The following PNMA8B variants were observed in gnomAD, a reference collection of about 807,000 sequenced individuals.
PNMA8B encodes paraneoplastic antigen-like protein 8B.
For missense variants in PNMA8B, 887 were observed against 885.8 expected (o/e 1.00, Z -0.02); for synonymous variants, 386 against 394.9 (o/e 0.98, Z 0.27).
rs1175685314 is a variant in PNMA8B at position 46,492,253 on chromosome 19, C to T, written c.*1305G>A. The T allele has an allele frequency of 2.8e-5, 10 of 356,434 alleles. No individual in the cohort carries two copies. In the East Asian group the frequency reaches 6.6e-4, roughly 24 times the overall value. 22.1% of individuals were successfully genotyped at this position (356,434 alleles called of 1,614,324 possible). A position where few individuals can be genotyped will look rare whatever the true frequency, so the allele number is the denominator to read the frequency against. On this transcript the variant is annotated 3_prime_UTR_variant, in exon 1 of 1. Transcript: ENST00000599531. Reference sequence around the variant, plus strand: ...GGACGAGGAAGCACACACATTGCCCCAGGGACAAGAAGGCATGAATGAAGG... The same window carrying T: ...GGACGAGGAAGCACACACATTGCCCTAGGGACAAGAAGGCATGAATGAAGG...
At position 46,493,767 on chromosome 19, in the gene PNMA8B, G is replaced by C; in HGVS notation, c.1699C>G (p.Arg567Gly). 1 of 1,390,114 alleles carries C rather than the reference G, an allele frequency of 7.2e-7. No homozygotes were observed. The highest frequency in any genetic ancestry group is 9.3e-7 in the Non-Finnish European group (1 of 1,079,454). 86.1% of individuals were successfully genotyped at this position (1,390,114 alleles called of 1,614,324 possible). The change falls in exon 1 of 1, where the codon CGA (arginine) becomes GGA (glycine). Residue 567 changes from arginine to glycine, a missense_variant. Arg to Gly is a moderately radical substitution (Grantham distance 125). Transcript: ENST00000599531. This position sits in a 1 kb window ranked among gnomAD's most constrained non-coding sequence, Gnocchi z 5.3. ...ARKTRAGGRG[R>G]GRGVTPEKKA... Reference sequence around the variant, plus strand: ...TTCTCGGGAGTGACGCCCCGGCCTCGGCCTCGGCCGCCCGCGCGGGTTTTG... The same window carrying C: ...TTCTCGGGAGTGACGCCCCGGCCTCCGCCTCGGCCGCCCGCGCGGGTTTTG...
In PNMA8B at chr19:46,493,752, T is replaced by G. The variant is rs1393187928; in HGVS notation, c.1714A>C (p.Thr572Pro). 1.0e-5 allele frequency: 15 copies of G among 1,449,080 alleles called. No homozygotes were observed. In the Admixed American group the frequency reaches 3.8e-4, roughly 36 times the overall value. The allele number at this position is 1,449,080 out of a possible 1,614,324, so 89.8% of individuals were successfully genotyped here. The part of the protein sequence containing the change: ...AGGRGRGRGV[T>P]PEKKAGSRGS... ...CGGCTCCCGGCTTTCTTCTCGGGAG[T>G]GACGCCCCGGCCTCGGCCTCGGCCG... Residue 572 changes from threonine (T) to proline (P), a missense_variant, in exon 1 of 1, where the codon ACT (threonine) becomes CCT (proline). Physicochemically the swap from Thr to Pro is conservative, Grantham distance 38. Coordinates refer to ENST00000599531, the MANE Select transcript of PNMA8B (RefSeq NM_020709.3). The surrounding 1 kb of genome is among the most constrained non-coding windows in gnomAD (Gnocchi z 5.3).
chr19:46,494,336 G>C lies in PNMA8B; in HGVS notation c.1130C>G (p.Ser377Cys), dbSNP rs777108435. 4.3e-6 allele frequency: 7 copies of C among 1,613,078 alleles called. No homozygotes were observed. In the African/African-American group the frequency reaches 9.3e-5, roughly 22 times the overall value. Residue 377 changes from serine to cysteine, a missense_variant, in exon 1 of 1, where the codon TCC becomes TGC. Ser to Cys is a moderately radical substitution (Grantham distance 112). Coordinates refer to ENST00000599531, the MANE Select transcript of PNMA8B (RefSeq NM_020709.3). ...DKRDPLRQVL[S>C]VMSKDTNGTR... ...CCCGTTAGTGTCCTTGGACATGACG[G>C]ACAAGACCTGTCGGAGGGGGTCTCG...
chr19:46,493,612 G>A lies in PNMA8B; in HGVS notation c.1854C>T (p.Ala618=), dbSNP rs774677888. 10 of 1,493,216 alleles carry A rather than the reference G, an allele frequency of 6.7e-6. No individual in the cohort carries two copies. The highest frequency in any genetic ancestry group is 4.7e-5 in the Admixed American group (2 of 42,746). The allele number at this position is 1,493,216 out of a possible 1,614,324, so 92.5% of individuals were successfully genotyped here. A position where few individuals can be genotyped will look rare whatever the true frequency, so the allele number is the denominator to read the frequency against. ...AKGQAPTGSK[A]ARGKKARRGR... is the part of the protein sequence containing the mutation. ...CCCGACGGGCCTTCTTCCCGCGCGC[G>A]GCCTTGGATCCAGTGGGCGCCTGGC... The change falls in exon 1 of 1, where the codon GCC becomes GCT. Residue 618 remains alanine (A), a synonymous_variant. Coordinates refer to ENST00000599531, the MANE Select transcript of PNMA8B (RefSeq NM_020709.3). The surrounding 1 kb of genome is among the most constrained non-coding windows in gnomAD (Gnocchi z 5.3).
rs1180232062 is a variant in PNMA8B, at chr19:46,494,867, T to G, written c.599A>C (p.Glu200Ala). 6.2e-7 allele frequency: 1 copy of G among 1,613,064 alleles called. No homozygotes were observed. The highest frequency in any genetic ancestry group is 8.5e-7 in the Non-Finnish European group (1 of 1,179,894). The change falls in exon 1 of 1, where the codon GAG becomes GCG. Residue 200 changes from glutamate (E) to alanine (A), a missense_variant. Coordinates refer to ENST00000599531, the MANE Select transcript of PNMA8B (RefSeq NM_020709.3). ...ARSEAEDSSD[E>A]SLGIVIEEID... Reference sequence around the variant, plus strand: ...CTCCTCGATCACGATGCCCAGGCTCTCGTCGGAAGAGTCCTCGGCCTCACT... The same window carrying G: ...CTCCTCGATCACGATGCCCAGGCTCGCGTCGGAAGAGTCCTCGGCCTCACT...
Position 46,494,055 on chromosome 19 carries a change from C to T in PNMA8B, c.1411G>A (p.Ala471Thr). 1 of 1,613,454 alleles carries T rather than the reference C, an allele frequency of 6.2e-7. No individual in the cohort carries two copies. Among genetic ancestry groups the T allele is most frequent in the Non-Finnish European group, 8.5e-7 (1 of 1,179,830 alleles). The change falls in exon 1 of 1, where the codon GCC becomes ACC. Residue 471 changes from alanine to threonine, a missense_variant. Physicochemically the swap from Ala to Thr is moderately conservative, Grantham distance 58. Coordinates refer to ENST00000599531, the MANE Select transcript of PNMA8B (RefSeq NM_020709.3). The stretch of plus-strand genomic sequence containing the variant: ...TATTTGTACTTCCCGCCTTCCCAGG[C>T]GTTTTCTTTTTCCTCCTTCATCACC... ...AEVMKEEKEN[A>T]WEGGKYKYPK... is the part of the protein sequence containing the mutation.
At position 46,492,144 on chromosome 19, in the gene PNMA8B, C is replaced by T. The variant is rs969884148; in HGVS notation, c.*1414G>A. On this transcript the variant is annotated 3_prime_UTR_variant, in exon 1 of 1. Transcript: ENST00000599531. ...CTGGTCTGGACTGTGAGGTCACACC[C>T]AAACCCTCCTATTCCTTCCCAGGGA... The T allele has an allele frequency of 2.2e-6, 1 of 444,962 alleles. No homozygotes were observed. The highest frequency in any genetic ancestry group is 2.0e-5 in the African/African-American group (1 of 49,848). 27.6% of individuals were successfully genotyped at this position (444,962 alleles called of 1,614,324 possible). A position where few individuals can be genotyped will look rare whatever the true frequency, so the allele number is the denominator to read the frequency against.
chr19:46,492,237 A>G lies in PNMA8B; in HGVS notation c.*1321T>C, dbSNP rs1250443682. On this transcript the variant is annotated 3_prime_UTR_variant, in exon 1 of 1. Transcript: ENST00000599531. The stretch of plus-strand genomic sequence containing the variant: ...CAGGGAATGGAAATTGGGACGAGGA[A>G]GCACACACATTGCCCCAGGGACAAG... 2 of 376,976 alleles carry G rather than the reference A, an allele frequency of 5.3e-6. No homozygotes were observed. The highest frequency in any genetic ancestry group is 1.1e-5 in the Non-Finnish European group (2 of 182,238). The allele number at this position is 376,976 out of a possible 1,614,324, so 23.4% of individuals were successfully genotyped here.
rs751364758 is a variant in PNMA8B at position 46,493,664 on chromosome 19, G to A, written c.1802C>T (p.Ala601Val). The change falls in exon 1 of 1, where the codon GCC (alanine) becomes GTC (valine). Residue 601 changes from alanine to valine, a missense_variant. Ala to Val is a moderately conservative substitution (Grantham distance 64, BLOSUM62 0). Transcript: ENST00000599531. The surrounding 1 kb of genome is among the most constrained non-coding windows in gnomAD (Gnocchi z 5.3). Reference sequence around the variant, plus strand: ...CTTGGCCTCGCCTGCCCTGGCATGGGCCCCGGCGCCCGCGCTCCCCTTCTT... The same window carrying A: ...CTTGGCCTCGCCTGCCCTGGCATGGACCCCGGCGCCCGCGCTCCCCTTCTT... Reference protein sequence around the residue: ...RKKKGSAGAGAHARAGEAKGQ... With the variant: ...RKKKGSAGAGVHARAGEAKGQ... 2.0e-6 allele frequency: 3 copies of A among 1,532,262 alleles called. No homozygotes were observed. The highest frequency in any genetic ancestry group is 3.8e-5 in the Admixed American group (2 of 52,300). 94.9% of individuals were successfully genotyped at this position (1,532,262 alleles called of 1,614,324 possible).
Position 46,494,824 on chromosome 19 carries a change from C to T in PNMA8B, c.642G>A (p.Leu214=). 2.5e-6 allele frequency: 4 copies of T among 1,613,584 alleles called. No individual in the cohort carries two copies. The highest frequency in any genetic ancestry group is 3.4e-6 in the Non-Finnish European group (4 of 1,179,874). ...GCGCGCTCTGGTCCTCTTCTCCGCT[C>T]AGGTCGCCCTGGTCGATCTCCTCGA... ...IVIEEIDQGD[L]SGEEDQSALY... The change falls in exon 1 of 1, where the codon CTG becomes CTA. Residue 214 remains leucine (L), a synonymous_variant. Coordinates refer to ENST00000599531, the MANE Select transcript of PNMA8B (RefSeq NM_020709.3).
rs1396734640 is a variant in PNMA8B, at chr19:46,495,247, G to C, written c.219C>G (p.Val73=). The part of the protein sequence containing the change: ...QAALVEFVED[V]NHAAIPREIP... The stretch of plus-strand genomic sequence containing the variant: ...TCTCCCTGGGAATGGCAGCGTGATT[G>C]ACGTCCTCCACAAACTCCACCAGGG... The change falls in exon 1 of 1, where the codon GTC becomes GTG. Residue 73 remains valine (V), a synonymous_variant. Coordinates refer to ENST00000599531, the MANE Select transcript of PNMA8B (RefSeq NM_020709.3). The C allele has an allele frequency of 6.3e-7, 1 of 1,588,338 alleles. No homozygotes were observed. The highest frequency in any genetic ancestry group is 8.6e-7 in the Non-Finnish European group (1 of 1,156,582).
chr19:46,493,553 G>T lies in PNMA8B; in HGVS notation c.*5C>A. 7.4e-7 allele frequency: 1 copy of T among 1,357,834 alleles called. No homozygotes were observed. The highest frequency in any genetic ancestry group is 9.4e-7 in the Non-Finnish European group (1 of 1,058,630). The allele number at this position is 1,357,834 out of a possible 1,614,324, so 84.1% of individuals were successfully genotyped here. A position where few individuals can be genotyped will look rare whatever the true frequency, so the allele number is the denominator to read the frequency against. ...TCGCAGCCTGGGCGGCTTCTTGGGG[G>T]GCCACTAGCGGCATTTAGGGGGCAG... On this transcript the variant is annotated 3_prime_UTR_variant, in exon 1 of 1. Transcript: ENST00000599531. The surrounding 1 kb of genome is among the most constrained non-coding windows in gnomAD (Gnocchi z 5.3).
In PNMA8B at chr19:46,495,533, C is replaced by T; in HGVS notation, c.-68G>A. On this transcript the variant is annotated 5_prime_UTR_variant, in exon 1 of 1. It adds an upstream start codon to the 5' untranslated region. Transcript: ENST00000599531. ...CGAGATAGGGGTGGGCTGCAGCGCA[C>T]GGTGTCAATGCAACCCTAGAAAGCC... 6.6e-7 allele frequency: 1 copy of T among 1,515,310 alleles called. No homozygotes were observed. 93.9% of individuals were successfully genotyped at this position (1,515,310 alleles called of 1,614,324 possible).
rs1412557338 is a variant in PNMA8B, at chr19:46,492,325, G to A, written c.*1233C>T. 4 of 280,922 alleles carry A rather than the reference G, an allele frequency of 1.4e-5. No homozygotes were observed. Among genetic ancestry groups the A allele is most frequent in the East Asian group, 2.1e-4 (2 of 9,354 alleles). The allele number at this position is 280,922 out of a possible 1,614,324, so 17.4% of individuals were successfully genotyped here. A position where few individuals can be genotyped will look rare whatever the true frequency, so the allele number is the denominator to read the frequency against. ...ATTTAGGTAAAAATCGAGCTCAGCC[G>A]GGGTTGCAGGAGCTGAAGCATACGG... On this transcript the variant is annotated 3_prime_UTR_variant, in exon 1 of 1. Transcript: ENST00000599531.
In PNMA8B at chr19:46,495,616, G is replaced by A. The variant is rs550162201; in HGVS notation, c.-151C>T. 60 of 942,708 alleles carry A rather than the reference G, an allele frequency of 6.4e-5. No homozygotes were observed. In the South Asian group the frequency reaches 9.8e-4, roughly 15 times the overall value. 58.4% of individuals were successfully genotyped at this position (942,708 alleles called of 1,614,324 possible). A position where few individuals can be genotyped will look rare whatever the true frequency, so the allele number is the denominator to read the frequency against. On this transcript the variant is annotated 5_prime_UTR_variant, in exon 1 of 1. Transcript: ENST00000599531. Reference sequence around the variant, plus strand: ...ATGTGGCAAGGCTGGAGTGGGGCTCGGGGCTCGGGGGCTCTAGCTGCCTGC... The same window carrying A: ...ATGTGGCAAGGCTGGAGTGGGGCTCAGGGCTCGGGGGCTCTAGCTGCCTGC...
Position 46,493,715 on chromosome 19 carries a change from T to A in PNMA8B, c.1751A>T (p.Gln584Leu), listed in dbSNP as rs1970041614. ...CTTCCTGCTTCCTGCGGCGTCGTCC[T>A]GGGCCGAGCCCCGGCTCCCGGCTTT... ...EKKAGSRGSA[Q>L]DDAAGSRKKK... Residue 584 changes from glutamine (Q) to leucine (L), a missense_variant, in exon 1 of 1, where the codon CAG (glutamine) becomes CTG (leucine). By Grantham distance (113) the Gln-to-Leu change is moderately radical (BLOSUM62 -2). Coordinates refer to ENST00000599531, the MANE Select transcript of PNMA8B (RefSeq NM_020709.3). The surrounding 1 kb of genome is among the most constrained non-coding windows in gnomAD (Gnocchi z 5.3). 1 of 1,512,842 alleles carries A rather than the reference T, an allele frequency of 6.6e-7. No homozygotes were observed. The highest frequency in any genetic ancestry group is 1.2e-5 in the South Asian group (1 of 80,486). The allele number at this position is 1,512,842 out of a possible 1,614,324, so 93.7% of individuals were successfully genotyped here.
chr19:46,494,337 A>T lies in PNMA8B; in HGVS notation c.1129T>A (p.Ser377Thr), dbSNP rs966446274. Residue 377 changes from serine (S) to threonine (T), a missense_variant, in exon 1 of 1, where the codon TCC (serine) becomes ACC (threonine). Transcript: ENST00000599531. ...DKRDPLRQVLSVMSKDTNGTR... is the reference protein window; with the variant it reads ...DKRDPLRQVLTVMSKDTNGTR... ...CCGTTAGTGTCCTTGGACATGACGG[A>T]CAAGACCTGTCGGAGGGGGTCTCGC... 9 of 1,613,050 alleles carry T rather than the reference A, an allele frequency of 5.6e-6. No individual in the cohort carries two copies. In the African/African-American group the frequency reaches 1.1e-4, roughly 19 times the overall value.
rs1370140653 is a variant in PNMA8B at position 46,493,317 on chromosome 19, C to T, written c.*241G>A. 7.7e-6 allele frequency: 3 copies of T among 388,472 alleles called. No individual in the cohort carries two copies. The highest frequency in any genetic ancestry group is 6.2e-5 in the African/African-American group (3 of 48,260). The allele number at this position is 388,472 out of a possible 1,614,324, so 24.1% of individuals were successfully genotyped here. On this transcript the variant is annotated 3_prime_UTR_variant, in exon 1 of 1. Coordinates refer to ENST00000599531, the MANE Select transcript of PNMA8B (RefSeq NM_020709.3). The surrounding 1 kb of genome is among the most constrained non-coding windows in gnomAD (Gnocchi z 5.3). Reference sequence around the variant, plus strand: ...CCATCTCGGCCCTGCGCTGCTGCCTCGGGCGCCCACTTCTCTTTCCTCCTC... The same window carrying T: ...CCATCTCGGCCCTGCGCTGCTGCCTTGGGCGCCCACTTCTCTTTCCTCCTC...
Position 46,493,588 on chromosome 19 carries a change from C to G in PNMA8B, c.1878G>C (p.Arg626=), listed in dbSNP as rs1970038320. Residue 626 remains arginine, a synonymous_variant, in exon 1 of 1, where the codon CGG becomes CGC. Transcript: ENST00000599531. The surrounding 1 kb of genome is among the most constrained non-coding windows in gnomAD (Gnocchi z 5.3). ...SKAARGKKAR[R]GRRLPPKCR ...GGCATTTAGGGGGCAGCCTCCGGCC[C>G]CGACGGGCCTTCTTCCCGCGCGCGG... is the stretch of plus-strand genomic sequence containing the variant. 6.8e-7 allele frequency: 1 copy of G among 1,473,396 alleles called. No individual in the cohort carries two copies. The highest frequency in any genetic ancestry group is 2.4e-5 in the Admixed American group (1 of 41,314). The allele number at this position is 1,473,396 out of a possible 1,614,324, so 91.3% of individuals were successfully genotyped here.
Sources: gnomAD v4.1 joint callset for allele counts on GRCh38, gnomAD v4.1.1 for gene constraint, Gnocchi (gnomAD v3.1) non-coding constraint, MANE v1.5 for transcripts, NCBI Gene and HGNC (gene_info 2026-07-23, HGNC 2026-07-21) for gene names.